The following CLDN14 variants were observed in gnomAD, a reference collection of about 807,000 sequenced individuals.
CLDN14 encodes the protein claudin-14.
In CLDN14, 2 loss-of-function variants were observed where a neutral mutation model predicts 2.1. That is an observed-to-expected ratio of 0.96 (90% CI 0.39 to 3.01). CLDN14 has a LOEUF of 3.01. CLDN14 is among the 30% of genes most tolerant of loss of function. The probability of loss-of-function intolerance (pLI) is 0.09; values close to 1 mark genes in which losing one functional copy is unlikely to be tolerated. For missense variants in CLDN14, 298 were observed against 328.0 expected (o/e 0.91, Z 0.71); for synonymous variants, 136 against 154.4 (o/e 0.88, Z 0.88).
intron 2 of CLDN14, among the ~76,000 whole-genome samples, chr21:36,500,722 G>C (rs527330080): frequency 6.6e-6 from 1 of 152,184 alleles, no homozygotes; most frequent in African/African-American, 2.4e-5. Context: ...GCACGTCACC[G>C]TGCCCGGCTG....
intron 1 of CLDN14, among the ~76,000 whole-genome samples, chr21:36,521,785 G>A (rs555300919): frequency 6.6e-6 from 1 of 152,234 alleles, no homozygotes; most frequent in South Asian, 2.1e-4. Context: ...TCAGCTGATG[G>A]GGACGGAGGT....
intron 2 of CLDN14, among the ~76,000 whole-genome samples, chr21:36,489,333 G>A (rs2086937724): frequency 6.6e-6 from 1 of 151,872 alleles, no homozygotes; most frequent in Non-Finnish European, 1.5e-5. Flanking sequence ...TGGAATGAAT[G>A]TTCTCAGATA....
At chr21:36,531,562 G>A (rs2087380330) in intron 1 of CLDN14, among the ~76,000 whole-genome samples, 2 of 151,936 alleles carry the variant, frequency 1.3e-5, no homozygotes. Context: ...ACTGCGCCTG[G>A]CCTATAAATG....
intron 1 of CLDN14, among the ~76,000 whole-genome samples, chr21:36,467,867 G>A (rs969570394): frequency 1.3e-5 from 2 of 152,164 alleles, no homozygotes; most frequent in South Asian, 4.1e-4. Flanking sequence ...AGATGGGAGG[G>A]GTGGAGGACA....
chr21:36,468,439 T>C (rs1385711091), intron 1 of CLDN14, among the ~76,000 whole-genome samples: 1 of 152,020 alleles, frequency 6.6e-6, no homozygotes, highest in Non-Finnish European at 1.5e-5. Context: ...TAGCCGGGTG[T>C]GGTGATGCAT....
intron 2 of CLDN14, among the ~76,000 whole-genome samples, chr21:36,489,158 GGAGAGAGA>G (rs369533067): frequency 1.2e-5 from 1 of 80,214 alleles, no homozygotes; most frequent in Non-Finnish European, 2.6e-5. Flanking sequence ...ATATATATAT[GGAGAGAGA>G]GAGAGAGAGA....
At chr21:36,535,082 T>C (rs1021758066) in intron 1 of CLDN14, among the ~76,000 whole-genome samples, 1 of 152,204 alleles carries the variant, frequency 6.6e-6, no homozygotes, top group African/African-American at 2.4e-5. Flanking sequence ...TAGAAAATCA[T>C]TTATCCATTT....
chr21:36,530,514 C>T (rs2146500899), intron 1 of CLDN14, among the ~76,000 whole-genome samples: 1 of 152,378 alleles, frequency 6.6e-6, no homozygotes, highest in East Asian at 1.9e-4. Flanking sequence ...AAGGAGGTCT[C>T]TGTCTTTCTA....
chr21:36,487,325 C>T, intron 2 of CLDN14: 1 of 238,228 alleles, frequency 4.2e-6, no homozygotes, highest in African/African-American at 2.3e-5. Flanking sequence ...CAGCGTCTTG[C>T]TGGGCCTGCA....
At chr21:36,474,975 G>A (rs1232280631) in intron 1 of CLDN14, among the ~76,000 whole-genome samples, 1 of 152,208 alleles carries the variant, frequency 6.6e-6, no homozygotes, top group African/African-American at 2.4e-5. Flanking sequence ...CTTGAGACAG[G>A]AGATGGGGGA....
intron 1 of CLDN14, among the ~76,000 whole-genome samples, chr21:36,514,927 A>G (rs994894295): frequency 7.2e-5 from 11 of 151,952 alleles, no homozygotes; most frequent in African/African-American, 2.7e-4. Context: ...TATCTACTGA[A>G]CCCTAAGGTC....
intron 1 of CLDN14, among the ~76,000 whole-genome samples, chr21:36,539,626 GGAGT>G (rs1398549198): frequency 1.4e-5 from 2 of 146,866 alleles, no homozygotes; most frequent in Non-Finnish European, 3.0e-5. Flanking sequence ...GAGTGTGTGT[GGAGT>G]GAGTGTGTGC....
chr21:36,503,742 T>C (rs2087108099), intron 2 of CLDN14, among the ~76,000 whole-genome samples: 1 of 152,326 alleles, frequency 6.6e-6, no homozygotes, highest in South Asian at 2.1e-4. Context: ...CTGATTAATA[T>C]CAATGCATTA....
chr21:36,477,451 T>G lies in CLDN14; in HGVS notation c.-82+2044A>C, dbSNP rs1430528784. The G allele has an allele frequency of 2.6e-5, 4 of 152,216 alleles. No homozygotes were observed. Among genetic ancestry groups the G allele is most frequent in the Non-Finnish European group, 5.9e-5 (4 of 68,038 alleles). 9.4% of individuals were successfully genotyped at this position (152,216 alleles called of 1,614,324 possible). A position where few individuals can be genotyped will look rare whatever the true frequency, so the allele number is the denominator to read the frequency against. On this transcript the variant is annotated intron_variant, in intron 1 of 1. Coordinates refer to ENST00000399135, the MANE Select transcript of CLDN14 (RefSeq NM_001146079.2). Reference sequence around the variant, plus strand: ...CTTTTAAAAACAAAGCTCTTGCTGGTCTCCAGTGCCCAAGAGTGGCCGCCA... The same window carrying G: ...CTTTTAAAAACAAAGCTCTTGCTGGGCTCCAGTGCCCAAGAGTGGCCGCCA...
intron 1 of CLDN14, among the ~76,000 whole-genome samples, chr21:36,529,262 C>T (rs1379987954): frequency 2.0e-5 from 3 of 152,032 alleles, no homozygotes; most frequent in Admixed American, 2.0e-4. Flanking sequence ...CTTTCATACC[C>T]ACCTCCTGTG....
chr21:36,572,199 T>G (rs2087714806), intron 1 of CLDN14, among the ~76,000 whole-genome samples: 1 of 152,198 alleles, frequency 6.6e-6, no homozygotes. Context: ...GTTTGGTTTG[T>G]TTTGTTTAGG....
At chr21:36,516,590 A>G (rs1484948204) in intron 1 of CLDN14, among the ~76,000 whole-genome samples, 1 of 152,356 alleles carries the variant, frequency 6.6e-6, no homozygotes, top group East Asian at 1.9e-4. Flanking sequence ...TTACCAACAA[A>G]GTACTACATT....
At chr21:36,490,126 C>T (rs907390081) in intron 2 of CLDN14, among the ~76,000 whole-genome samples, 2 of 152,220 alleles carry the variant, frequency 1.3e-5, no homozygotes, top group African/African-American at 2.4e-5. Context: ...AAGTCAGAGG[C>T]TCCACAGACA....
intron 2 of CLDN14, among the ~76,000 whole-genome samples, chr21:36,489,738 T>C (rs1009911490): frequency 2.6e-5 from 4 of 152,212 alleles, no homozygotes; most frequent in Admixed American, 2.6e-4. Context: ...AGACTGTTAT[T>C]TAGTCTTGCC....
Sources: allele counts gnomAD v4.1 joint callset (sites outside exome capture counted in the v4.1 genomes callset), GRCh38; gene constraint gnomAD v4.1.1; transcripts MANE v1.5; gene names NCBI Gene and HGNC (gene_info 2026-07-23, HGNC 2026-07-21).